Variants in TNKS2 observed in about 807,000 individuals in gnomAD.
TNKS2 encodes the protein poly [ADP-ribose] polymerase tankyrase-2.
Under a neutral mutation model 137.6 loss-of-function variants are expected in TNKS2, and 72 were observed. The observed-to-expected ratio is 0.52, with a 90% CI of 0.43 to 0.64. TNKS2 has a LOEUF of 0.64. Ranked by LOEUF, TNKS2 falls within the 30% of genes least tolerant of loss-of-function variation. The pLI, the probability that TNKS2 is intolerant of heterozygous loss-of-function variation, is 0.00. For missense variants in TNKS2, 1,049 were observed against 1,410.2 expected, an observed-to-expected ratio of 0.74 and a Z score of 4.10; for synonymous variants, 516 against 512.1, an observed-to-expected ratio of 1.01 and a Z score of -0.10.
At chr10:91,843,082 T>C (rs1228841217) in intron 16 of TNKS2, among the ~76,000 whole-genome samples, 1 of 151,716 alleles carries the variant, frequency 6.6e-6, no homozygotes, top group Non-Finnish European at 1.5e-5. Context: ...TGGTAGCTGC[T>C]AAGCACAAGC....
intron 3 of TNKS2, among the ~76,000 whole-genome samples, chr10:91,818,519 TTTTGGGG>T (rs1844782575): frequency 6.6e-6 from 1 of 152,144 alleles, no homozygotes; most frequent in Non-Finnish European, 1.5e-5. Flanking sequence ...AGGAGTTTGC[TTTTGGGG>T]TGTGTATGTG....
At chr10:91,834,723 G>C (rs1841942660) in intron 12 of TNKS2, among the ~76,000 whole-genome samples, 1 of 152,116 alleles carries the variant, frequency 6.6e-6, no homozygotes, top group African/African-American at 2.4e-5. Context: ...CAACCTCCTG[G>C]AATCTACCAA....
chr10:91,857,321 G>GT (rs1842735733), intron 23 of TNKS2, 104 bp from the exon 24 acceptor site: 1 of 600,596 alleles, frequency 1.7e-6, no homozygotes. Flanking sequence ...TCAGAGTACA[G>GT]TTTTGCCTAC....
rs917461884 is a variant in TNKS2 at position 91,798,894 on chromosome 10, C to T, written c.199+5C>T. On this transcript the variant is annotated splice_donor_5th_base_variant and intron_variant, in intron 1 of 26. Coordinates refer to ENST00000371627, the MANE Select transcript of TNKS2 (RefSeq NM_025235.4). ...CCCCGCTGCACTTCGCCGCAGGTAA[C>T]CGGGGCCAGCGTCCCCTCGCCTCGC... The T allele has an allele frequency of 7.3e-7, 1 of 1,378,646 alleles. No individual in the cohort carries two copies. The highest frequency in any genetic ancestry group is 9.5e-7 in the Non-Finnish European group (1 of 1,057,502). The allele number at this position is 1,378,646 out of a possible 1,614,324, so 85.4% of individuals were successfully genotyped here.
intron 18 of TNKS2, among the ~76,000 whole-genome samples, chr10:91,847,453 C>T (rs1442336122): frequency 6.6e-6 from 1 of 152,124 alleles, no homozygotes; most frequent in Admixed American, 6.5e-5. Context: ...CAACCTCCGC[C>T]TCCCAGGTTC....
At chr10:91,825,276 T>C (rs1252706122) in intron 7 of TNKS2, among the ~76,000 whole-genome samples, 3 of 152,102 alleles carry the variant, frequency 2.0e-5, no homozygotes, top group African/African-American at 7.2e-5. Flanking sequence ...TTAATCTTTT[T>C]ATTTTTTGTA....
chr10:91,802,844 A>G (rs758145697), intron 1 of TNKS2, among the ~76,000 whole-genome samples: 14 of 152,270 alleles, frequency 9.2e-5, no homozygotes, highest in Admixed American at 3.9e-4. Flanking sequence ...GATAAATCAT[A>G]CATCAGCAGG....
Position 91,830,990 on chromosome 10 carries a change from C to A in TNKS2, c.1172C>A (p.Ala391Glu), listed in dbSNP as rs2133634276. 6.2e-7 allele frequency: 1 copy of A among 1,612,452 alleles called. No homozygotes were observed. The highest frequency in any genetic ancestry group is 2.2e-5 in the East Asian group (1 of 44,796). ...TGTGAACTGTTGCTAAGAAAAGGAG[C>A]AAACATCAATGAAAAGACTAAAGAG... is the stretch of plus-strand genomic sequence containing the variant. ...QICELLLRKG[A>E]NINEKTKEFL... is the part of the protein sequence containing the mutation. Residue 391 changes from alanine to glutamate, a missense_variant, in exon 10 of 27, where the codon GCA (alanine) becomes GAA (glutamate). Ala to Glu is a moderately radical substitution (Grantham distance 107). Coordinates refer to ENST00000371627, the MANE Select transcript of TNKS2 (RefSeq NM_025235.4).
At chr10:91,803,486 T>C (rs942002255) in intron 1 of TNKS2, among the ~76,000 whole-genome samples, 4 of 151,854 alleles carry the variant, frequency 2.6e-5, no homozygotes, top group African/African-American at 9.7e-5. Context: ...TACAAAAAAA[T>C]AGAAAAAGTA....
intron 11 of TNKS2, among the ~76,000 whole-genome samples, chr10:91,833,445 G>T (rs924784076): frequency 6.6e-6 from 1 of 151,948 alleles, no homozygotes; most frequent in African/African-American, 2.4e-5. Flanking sequence ...AGAAGATTAA[G>T]CCTATAGAAA....
intron 21 of TNKS2, 123 bp downstream of exon 21, chr10:91,851,459 G>T (rs1842536131): frequency 8.7e-6 from 10 of 1,155,812 alleles, no homozygotes; most frequent in Non-Finnish European, 9.5e-6. Context: ...ACTAATTTAG[G>T]ATTCAGGAAA....
At chr10:91,806,008 T>A (rs1369177311) in intron 1 of TNKS2, among the ~76,000 whole-genome samples, 1 of 151,494 alleles carries the variant, frequency 6.6e-6, no homozygotes, top group African/African-American at 2.4e-5. Flanking sequence ...CCTCTGACAT[T>A]TTCCTACTTG....
intron 1 of TNKS2, among the ~76,000 whole-genome samples, chr10:91,802,548 G>A (rs965324079): frequency 6.6e-6 from 1 of 152,182 alleles, no homozygotes; most frequent in Admixed American, 6.5e-5. Context: ...AGCCTAGTTC[G>A]ACCAACAGGT....
rs537617995 is a variant in TNKS2, at chr10:91,838,078, A to T, written c.1527+1080A>T. Among the ~76,000 whole-genome samples the T allele has an allele frequency of 2.4e-5, 3 of 123,802 alleles. No individual in the cohort carries two copies. In the South Asian group the frequency reaches 8.3e-4, roughly 34 times the overall value. 81.2% of individuals were successfully genotyped at this position (123,802 alleles called of 152,430 possible). ...TTTTTTTTTTTTGCTGTTTGTGGGA[A>T]GGGAGAGATACAGAATTGTAAATGC... On this transcript the variant is annotated intron_variant, in intron 13 of 26. Coordinates refer to ENST00000371627, the MANE Select transcript of TNKS2 (RefSeq NM_025235.4).
chr10:91,831,190 C>T lies in TNKS2; in HGVS notation c.1275+9C>T. On this transcript the variant is annotated intron_variant, in intron 11 of 26. Coordinates refer to ENST00000371627, the MANE Select transcript of TNKS2 (RefSeq NM_025235.4). ...TGAAACATGAAGCAAAGGTATACTTCCTTTTTGGTAATCTTTGGTAATCCA... is the reference window on the plus strand; with the variant it reads ...TGAAACATGAAGCAAAGGTATACTTTCTTTTTGGTAATCTTTGGTAATCCA... The T allele has an allele frequency of 6.2e-7, 1 of 1,611,440 alleles. No individual in the cohort carries two copies.
At position 91,827,144 on chromosome 10, in the gene TNKS2, G is replaced by A; in HGVS notation, c.923G>A (p.Cys308Tyr). 3 of 1,605,542 alleles carry A rather than the reference G, an allele frequency of 1.9e-6. No individual in the cohort carries two copies. Among genetic ancestry groups the A allele is most frequent in the Non-Finnish European group, 2.6e-6 (3 of 1,175,588 alleles). The stretch of plus-strand genomic sequence containing the variant: ...GGTGCAGACCCAACACTGCTCAATT[G>A]TCACAATAAAAGTGCTATAGACTTG... The part of the protein sequence containing the change: ...SYGADPTLLN[C>Y]HNKSAIDLAP... Residue 308 changes from cysteine (C) to tyrosine (Y), a missense_variant, in exon 8 of 27, where the codon TGT (cysteine) becomes TAT (tyrosine). Physicochemically the swap from Cys to Tyr is radical, Grantham distance 194. This residue lies in a region of TNKS2 where 374 missense variants were observed against 460.8 expected (regional missense o/e 0.81). Coordinates refer to ENST00000371627, the MANE Select transcript of TNKS2 (RefSeq NM_025235.4).
intron 4 of TNKS2, 57 bp from the exon 5 acceptor site, chr10:91,819,425 A>G (rs938671373): frequency 3.9e-5 from 57 of 1,457,986 alleles, no homozygotes; most frequent in Admixed American, 7.2e-5. Flanking sequence ...TACAGTACTT[A>G]TCTTGAGGAA....
intron 5 of TNKS2, among the ~76,000 whole-genome samples, 168 bp downstream of exon 5, chr10:91,819,725 A>T: frequency 6.6e-6 from 1 of 152,358 alleles, no homozygotes; most frequent in East Asian, 1.9e-4. Context: ...TTTATTGATG[A>T]TAAACAGTTA....
At chr10:91,841,502 G>A (rs997078664) in intron 15 of TNKS2, 54 bp downstream of exon 15, 22 of 1,378,682 alleles carry the variant, frequency 1.6e-5, no homozygotes, top group Admixed American at 2.6e-5. Flanking sequence ...ATATGTTTAT[G>A]GTTTTCTAAA....
Sources: allele counts gnomAD v4.1 joint callset (sites outside exome capture counted in the v4.1 genomes callset), GRCh38; gene constraint gnomAD v4.1.1; regional missense constraint gnomAD v4.1.1; transcripts MANE v1.5; gene names NCBI Gene and HGNC (gene_info 2026-07-23, HGNC 2026-07-21).